Variants in THAP4 observed in about 807,000 individuals in gnomAD.
The protein encoded by THAP4 is peroxynitrite isomerase THAP4.
Under a neutral mutation model 48.1 loss-of-function variants are expected in THAP4, and 18 were observed. The observed-to-expected ratio is 0.37, with a 90% CI of 0.26 to 0.56. THAP4 has a LOEUF of 0.56. THAP4 is among the 20% of genes least tolerant of loss of function. The probability of loss-of-function intolerance (pLI) is 0.78; values close to 1 mark genes in which losing one functional copy is unlikely to be tolerated. For missense variants in THAP4, 656 were observed against 774.9 expected, an observed-to-expected ratio of 0.85 and a Z score of 1.82; for synonymous variants, 345 against 324.9, an observed-to-expected ratio of 1.06 and a Z score of -0.66.
intron 2 of THAP4, among the ~76,000 whole-genome samples, chr2:241,625,722 C>T (rs1277546871): frequency 1.4e-5 from 2 of 138,896 alleles, no homozygotes; most frequent in Non-Finnish European, 3.1e-5. Context: ...TGCTTGAACC[C>T]GGGAGGTGGT....
At position 241,601,919 on chromosome 2, in the gene THAP4, C is replaced by T. The variant is rs770030779; in HGVS notation, c.1591G>A (p.Ala531Thr). ...ASHSIARISF[A>T]KEPHVEQITR... ...ACCTGCTCTACGTGGGGCTCCTTGGCGAAGGAGATCCTGGCGATGGAGTGG... is the reference window on the plus strand; with the variant it reads ...ACCTGCTCTACGTGGGGCTCCTTGGTGAAGGAGATCCTGGCGATGGAGTGG... Residue 531 changes from alanine to threonine, a missense_variant, in exon 5 of 6, where the codon GCC becomes ACC. Coordinates refer to ENST00000407315, the MANE Select transcript of THAP4 (RefSeq NM_015963.6). This position sits in a 1 kb window ranked among gnomAD's most constrained non-coding sequence, Gnocchi z 4.0. The T allele has an allele frequency of 2.0e-5, 33 of 1,613,762 alleles. No homozygotes were observed. The highest frequency in any genetic ancestry group is 4.0e-5 in the African/African-American group (3 of 74,900).
rs531475576 is a variant in THAP4, at chr2:241,612,124, A to G, written c.1241-5651T>C. On this transcript the variant is annotated intron_variant, in intron 2 of 5. Coordinates refer to ENST00000407315, the MANE Select transcript of THAP4 (RefSeq NM_015963.6). This position sits in a 1 kb window ranked among gnomAD's most constrained non-coding sequence, Gnocchi z 4.1. ...GCAAGGAAAGAGGAGAAGGTGAAAC[A>G]TGACCTGGCAGAAGTCGAGAAAGTA... 4.7e-4 allele frequency among the ~76,000 whole-genome samples: 72 copies of G among 152,210 alleles called. No individual in the cohort carries two copies. Among genetic ancestry groups the G allele is most frequent in the East Asian group, 2.6e-3 (13 of 5,086 alleles).
At position 241,633,404 on chromosome 2, in the gene THAP4, G is replaced by C; in HGVS notation, c.753C>G (p.Val251=). The part of the protein sequence containing the change: ...SSKHTRERPS[V]PREPIDRKRL... Reference sequence around the variant, plus strand: ...TCTTGCGGTCAATGGGCTCTCGGGGGACAGATGGCCTTTCTCGGGTGTGCT... The same window carrying C: ...TCTTGCGGTCAATGGGCTCTCGGGGCACAGATGGCCTTTCTCGGGTGTGCT... The change falls in exon 2 of 6, where the codon GTC becomes GTG. Residue 251 remains valine (V), a synonymous_variant. Transcript: ENST00000407315. This position sits in a 1 kb window ranked among gnomAD's most constrained non-coding sequence, Gnocchi z 7.5. 6.2e-7 allele frequency: 1 copy of C among 1,613,600 alleles called. No individual in the cohort carries two copies. Among genetic ancestry groups the C allele is most frequent in the Non-Finnish European group, 8.5e-7 (1 of 1,180,024 alleles).
intron 1 of THAP4, among the ~76,000 whole-genome samples, chr2:241,636,740 T>C (rs955599267): frequency 7.3e-5 from 11 of 150,486 alleles, no homozygotes; most frequent in Admixed American, 2.0e-4. Flanking sequence ...GCGGCCGGGG[T>C]GGGGGCGGCT....
At chr2:241,630,025 G>A (rs972877848) in intron 2 of THAP4, among the ~76,000 whole-genome samples, 4 of 152,150 alleles carry the variant, frequency 2.6e-5, no homozygotes, top group African/African-American at 4.8e-5. Context: ...GTTAGCCACA[G>A]TGAAGTCTCA....
intron 2 of THAP4, among the ~76,000 whole-genome samples, chr2:241,632,011 T>G (rs975850215): frequency 1.3e-4 from 19 of 151,666 alleles, no homozygotes; most frequent in Admixed American, 1.2e-3. Context: ...AGGTTCAAGC[T>G]ATTCTCCTGC....
rs1379907963 is a variant in THAP4 at position 241,601,750 on chromosome 2, G to A, written c.1614+146C>T. 71 of 1,480,758 alleles carry A rather than the reference G, an allele frequency of 4.8e-5. No homozygotes were observed. The highest frequency in any genetic ancestry group is 4.1e-5 in the Non-Finnish European group (45 of 1,094,420). The allele number at this position is 1,480,758 out of a possible 1,614,324, so 91.7% of individuals were successfully genotyped here. The stretch of plus-strand genomic sequence containing the variant: ...AGGGAACATCCACCCTGGATGGTCC[G>A]AGAAGGGAAAAGAAGGAGACAGTGA... On this transcript the variant is annotated intron_variant, in intron 5 of 5. Coordinates refer to ENST00000407315, the MANE Select transcript of THAP4 (RefSeq NM_015963.6). The surrounding 1 kb of genome is among the most constrained non-coding windows in gnomAD (Gnocchi z 4.0).
In THAP4 at chr2:241,637,051, C is replaced by A; in HGVS notation, c.-34G>T. The A allele has an allele frequency of 1.7e-6, 2 of 1,151,198 alleles. No individual in the cohort carries two copies. Among genetic ancestry groups the A allele is most frequent in the Non-Finnish European group, 2.2e-6 (2 of 925,016 alleles). 71.3% of individuals were successfully genotyped at this position (1,151,198 alleles called of 1,614,324 possible). ...TTGGCCCAGCCGCGCAGCCAGGCCC[C>A]GGCCCTAGCCGCCCGCCCGCCCGCG... On this transcript the variant is annotated 5_prime_UTR_variant, in exon 1 of 6. Transcript: ENST00000407315.
At chr2:241,624,065 T>C (rs1030661848) in intron 2 of THAP4, among the ~76,000 whole-genome samples, 7 of 152,226 alleles carry the variant, frequency 4.6e-5, no homozygotes, top group Non-Finnish European at 7.3e-5. Flanking sequence ...TCACAGCCTC[T>C]GCCCCACCTG....
chr2:241,620,990 A>G (rs1347722137), intron 2 of THAP4, among the ~76,000 whole-genome samples: 1 of 152,030 alleles, frequency 6.6e-6, no homozygotes, highest in African/African-American at 2.4e-5. Flanking sequence ...GAAGAGAGAG[A>G]GTGAGCATCA....
chr2:241,606,936 A>G (rs2067190898), intron 2 of THAP4, among the ~76,000 whole-genome samples: 2 of 152,188 alleles, frequency 1.3e-5, no homozygotes, highest in African/African-American at 4.8e-5. Context: ...CACGGGAGGC[A>G]CGGTGCCCTG....
At chr2:241,585,935 A>AAAAAAAAAAAAG (rs1553553075) in intron 5 of THAP4, among the ~76,000 whole-genome samples, 5 of 146,898 alleles carry the variant, frequency 3.4e-5, no homozygotes, top group Non-Finnish European at 6.0e-5. Flanking sequence ...AAAAAGAAAA[A>AAAAAAAAAAAAG]AAAAAGAAAA....
intron 2 of THAP4, among the ~76,000 whole-genome samples, chr2:241,628,077 G>A (rs987621544): frequency 1.3e-4 from 20 of 152,134 alleles, no homozygotes; most frequent in African/African-American, 4.6e-4. Context: ...CCAGTAACCA[G>A]CGACCCTGGG....
At chr2:241,584,752 G>A (rs1441778397) in intron 5 of THAP4, 27 bp from the exon 6 acceptor site, 7 of 1,613,998 alleles carry the variant, frequency 4.3e-6, no homozygotes, top group Non-Finnish European at 5.9e-6. Flanking sequence ...AACAAAGATA[G>A]CTTAGTTTTA....
chr2:241,594,067 A>G (rs1422762100), intron 5 of THAP4, among the ~76,000 whole-genome samples: 1 of 152,132 alleles, frequency 6.6e-6, no homozygotes, highest in African/African-American at 2.4e-5. Flanking sequence ...ACAGCACATC[A>G]CCAATGGAAT....
At position 241,610,464 on chromosome 2, in the gene THAP4, A is replaced by G. The variant is rs1172549801; in HGVS notation, c.1241-3991T>C. On this transcript the variant is annotated intron_variant, in intron 2 of 5. Coordinates refer to ENST00000407315, the MANE Select transcript of THAP4 (RefSeq NM_015963.6). This position sits in a 1 kb window ranked among gnomAD's most constrained non-coding sequence, Gnocchi z 4.2. ...CGGTGGGGCGCGCTCACTGGCTGCC[A>G]CCTCACCTAGCAGGCGTCACAGGGC... 6.6e-6 allele frequency among the ~76,000 whole-genome samples: 1 copy of G among 152,096 alleles called. No individual in the cohort carries two copies. Among genetic ancestry groups the G allele is most frequent in the African/African-American group, 2.4e-5 (1 of 41,420 alleles).
At chr2:241,594,553 C>T in intron 5 of THAP4, 1 of 329,898 alleles carries the variant, frequency 3.0e-6, no homozygotes, top group Non-Finnish European at 6.1e-6. Context: ...GGCAAGACCC[C>T]ATCTCTACTA....
intron 4 of THAP4, 117 bp downstream of exon 4, chr2:241,602,853 G>T: frequency 1.3e-6 from 1 of 787,920 alleles, no homozygotes; most frequent in Non-Finnish European, 2.1e-6. Context: ...CCATCCCCAC[G>T]GTCCCCACCA....
intron 2 of THAP4, among the ~76,000 whole-genome samples, chr2:241,613,476 G>A (rs532826275): frequency 3.1e-4 from 47 of 152,186 alleles, no homozygotes; most frequent in Non-Finnish European, 5.6e-4. Flanking sequence ...AAACTGGGCC[G>A]GTTGCAGTGG....
Sources: allele counts gnomAD v4.1 joint callset (sites outside exome capture counted in the v4.1 genomes callset), GRCh38; gene constraint gnomAD v4.1.1; non-coding constraint Gnocchi (gnomAD v3.1); transcripts MANE v1.5; gene names NCBI Gene and HGNC (gene_info 2026-07-23, HGNC 2026-07-21).